The following EEA1 variants were observed in gnomAD, a reference collection of about 807,000 sequenced individuals.
The protein encoded by EEA1 is early endosome antigen 1.
Under a neutral mutation model 209.2 loss-of-function variants are expected in EEA1, and 111 were observed. The observed-to-expected ratio is 0.53, with a 90% CI of 0.45 to 0.62. The LOEUF (loss-of-function observed/expected upper bound fraction) is 0.62. Ranked by LOEUF, EEA1 falls within the 20% of genes least tolerant of loss-of-function variation. The pLI, the probability that EEA1 is intolerant of heterozygous loss-of-function variation, is 0.00. For missense variants in EEA1, 1,343 were observed against 1,530.8 expected, an observed-to-expected ratio of 0.88 and a Z score of 2.05; for synonymous variants, 536 against 540.6, an observed-to-expected ratio of 0.99 and a Z score of 0.12.
intron 2 of EEA1, among the ~76,000 whole-genome samples, chr12:92,876,986 T>C (rs1374651632): frequency 6.7e-6 from 1 of 150,248 alleles, no homozygotes; most frequent in African/African-American, 2.4e-5. Context: ...CTTTATCACC[T>C]AGACTGGTGT....
At chr12:92,817,634 G>T (rs1452778211) in intron 14 of EEA1, among the ~76,000 whole-genome samples, 1 of 152,118 alleles carries the variant, frequency 6.6e-6, no homozygotes, top group Non-Finnish European at 1.5e-5. Context: ...TTACTTCAGG[G>T]TCTGTTCCCA....
chr12:92,904,631 C>T (rs950709902), intron 1 of EEA1, among the ~76,000 whole-genome samples: 1 of 152,158 alleles, frequency 6.6e-6, no homozygotes, highest in African/African-American at 2.4e-5. Flanking sequence ...GGCTACATGT[C>T]GGGAACCCTC....
intron 1 of EEA1, among the ~76,000 whole-genome samples, chr12:92,902,400 A>C (rs1880182943): frequency 6.6e-6 from 1 of 152,228 alleles, no homozygotes; most frequent in Non-Finnish European, 1.5e-5. Context: ...AGAACTTAGT[A>C]AGCGGGGCAA....
At chr12:92,923,986 C>T (rs969159515) in intron 1 of EEA1, among the ~76,000 whole-genome samples, 4 of 151,916 alleles carry the variant, frequency 2.6e-5, no homozygotes, top group African/African-American at 9.7e-5. Context: ...TAGTTCACAC[C>T]TATAATCCCA....
intron 18 of EEA1, among the ~76,000 whole-genome samples, chr12:92,805,782 G>T (rs912947192): frequency 2.0e-5 from 3 of 152,132 alleles, no homozygotes; most frequent in African/African-American, 7.2e-5. Context: ...GGCTATATAT[G>T]TTCAGAAGCA....
intron 1 of EEA1, among the ~76,000 whole-genome samples, chr12:92,918,983 C>A (rs1419351206): frequency 7.6e-6 from 1 of 131,562 alleles, no homozygotes; most frequent in East Asian, 2.1e-4. Context: ...CGCAAATAAA[C>A]TAGAAAATCT....
rs1192955976 is a variant in EEA1, at chr12:92,819,341, C to G, written c.1695G>C (p.Gln565His). Residue 565 changes from glutamine to histidine, a missense_variant, in exon 14 of 29, where the codon CAG (glutamine) becomes CAC (histidine). Coordinates refer to ENST00000322349, the MANE Select transcript of EEA1 (RefSeq NM_003566.4). Reference sequence around the variant, plus strand: ...GTAGTGTATGGTTTTTTTCTTGTAACTGGTTAAGAACAGCAGTCTCTCCTT... The same window carrying G: ...GTAGTGTATGGTTTTTTTCTTGTAAGTGGTTAAGAACAGCAGTCTCTCCTT... ...AGEGETAVLN[Q>H]LQEKNHTLQE... is the part of the protein sequence containing the mutation. The G allele has an allele frequency of 3.1e-6, 5 of 1,610,806 alleles. No homozygotes were observed. In the East Asian group the frequency reaches 1.1e-4, roughly 36 times the overall value.
chr12:92,775,375 TTAATTA>T lies in EEA1; in HGVS notation c.*630_*635del, dbSNP rs1873614196. ...TTTTATAAAATCCACCCAAGAAAAT[TTAATTA>T]ATATTGTTAAAACAAAAACCATTTT... On this transcript the variant is annotated 3_prime_UTR_variant, in exon 29 of 29. Coordinates refer to ENST00000322349, the MANE Select transcript of EEA1 (RefSeq NM_003566.4). The T allele has an allele frequency of 1.3e-5, 2 of 151,726 alleles. No homozygotes were observed. The highest frequency in any genetic ancestry group is 4.1e-4 in the South Asian group (2 of 4,836). The allele number at this position is 151,726 out of a possible 1,614,324, so 9.4% of individuals were successfully genotyped here.
intron 10 of EEA1, chr12:92,835,397 C>T (rs1288213413): frequency 2.1e-5 from 5 of 233,476 alleles, no homozygotes; most frequent in East Asian, 1.1e-4. Context: ...GATAGTTTCA[C>T]TCCTTTTTTT....
At chr12:92,815,484 G>T (rs780615019) in intron 15 of EEA1, among the ~76,000 whole-genome samples, 5 of 152,082 alleles carry the variant, frequency 3.3e-5, no homozygotes, top group African/African-American at 4.8e-5. Context: ...CCAAGTTCTA[G>T]TAAGTATGCC....
At chr12:92,896,940 CAAAG>C (rs1253598528) in intron 1 of EEA1, among the ~76,000 whole-genome samples, 1 of 151,812 alleles carries the variant, frequency 6.6e-6, no homozygotes, top group Non-Finnish European at 1.5e-5. Flanking sequence ...TTTGGGAGGC[CAAAG>C]AAGGAGGATC....
At chr12:92,915,873 T>C (rs1880744998) in intron 1 of EEA1, among the ~76,000 whole-genome samples, 1 of 152,188 alleles carries the variant, frequency 6.6e-6, no homozygotes. Flanking sequence ...ATATGCTTAG[T>C]TTTCTTATGG....
intron 1 of EEA1, among the ~76,000 whole-genome samples, chr12:92,896,261 C>T (rs1475492104): frequency 1.3e-5 from 2 of 152,106 alleles, no homozygotes; most frequent in African/African-American, 2.4e-5. Context: ...TGTGAGCCAT[C>T]GCGCCTGGCA....
At chr12:92,904,822 TAG>T (rs1235010036) in intron 1 of EEA1, among the ~76,000 whole-genome samples, 1 of 152,216 alleles carries the variant, frequency 6.6e-6, no homozygotes, top group Admixed American at 6.5e-5. Flanking sequence ...CCCATGAATT[TAG>T]AGATACATCA....
Position 92,801,697 on chromosome 12 carries a change from T to G in EEA1, c.2675A>C (p.Lys892Thr), listed in dbSNP as rs2136666642. Reference protein sequence around the residue: ...KGKAAILDLEKTCKELKHQLQ... With the variant: ...KGKAAILDLETTCKELKHQLQ... ...TTGATGCTTTAATTCTTTGCAAGTTTTTTCCTTAAAAAAAATGAAAACTAT... is the reference window on the plus strand; with the variant it reads ...TTGATGCTTTAATTCTTTGCAAGTTGTTTCCTTAAAAAAAATGAAAACTAT... Residue 892 changes from lysine (K) to threonine (T), a missense_variant, in exon 20 of 29, where the codon AAA becomes ACA. This residue lies in a region of EEA1 where 1,307 missense variants were observed against 1,465.5 expected (regional missense o/e 0.89). Coordinates refer to ENST00000322349, the MANE Select transcript of EEA1 (RefSeq NM_003566.4). The G allele has an allele frequency of 6.3e-7, 1 of 1,575,566 alleles. No individual in the cohort carries two copies. Among genetic ancestry groups the G allele is most frequent in the East Asian group, 2.3e-5 (1 of 44,148 alleles).
chr12:92,866,444 ATATAT>A (rs1024788285), intron 2 of EEA1, among the ~76,000 whole-genome samples: 14 of 152,218 alleles, frequency 9.2e-5, no homozygotes, highest in Middle Eastern at 3.4e-3. Flanking sequence ...CAACAAGTAA[ATATAT>A]TATAACTTTG....
At chr12:92,805,912 C>G (rs570873069) in intron 18 of EEA1, among the ~76,000 whole-genome samples, 1 of 152,240 alleles carries the variant, frequency 6.6e-6, no homozygotes, top group South Asian at 2.1e-4. Context: ...CCATTGAGCA[C>G]TTTAGTGCAA....
Position 92,813,043 on chromosome 12 carries a change from A to G in EEA1, c.1980T>C (p.Ala660=), listed in dbSNP as rs202047688. 5.0e-6 allele frequency: 8 copies of G among 1,600,228 alleles called. No individual in the cohort carries two copies. The highest frequency in any genetic ancestry group is 6.8e-6 in the Non-Finnish European group (8 of 1,170,466). ...AATGATTCTGAAGATCAGCTCTTTG[A>G]GCAGTTTTTGCTGCTTCTGCTGATA... ...LLLSAEAAKT[A]QRADLQNHLD... The change falls in exon 16 of 29, where the codon GCT becomes GCC. Residue 660 remains alanine, a synonymous_variant. Transcript: ENST00000322349.
At chr12:92,779,439 A>G (rs2136648549) in intron 24 of EEA1, 139 bp from the exon 25 acceptor site, 2 of 761,830 alleles carry the variant, frequency 2.6e-6, no homozygotes, top group South Asian at 4.6e-5. Context: ...TCAGTATTTT[A>G]AAGAATTGGT....
Sources: allele counts gnomAD v4.1 joint callset (sites outside exome capture counted in the v4.1 genomes callset), GRCh38; gene constraint gnomAD v4.1.1; regional missense constraint gnomAD v4.1.1; transcripts MANE v1.5; gene names NCBI Gene and HGNC (gene_info 2026-07-23, HGNC 2026-07-21).